Variants in CALHM4 observed in about 807,000 individuals in gnomAD.
The protein encoded by CALHM4 is calcium homeostasis modulator protein 4.
CALHM4 carries 16 observed loss-of-function variants against 13.3 expected under a neutral mutation model. The ratio of observed to expected loss-of-function variants is 1.20; its 90% confidence interval spans 0.81 to 1.82. CALHM4 has a LOEUF of 1.82. CALHM4 is among the 40% of genes most tolerant of loss of function. The pLI is 0.00. For synonymous variants in CALHM4, 127 were observed against 137.1 expected (o/e 0.93, Z 0.52); for missense variants, 344 against 374.9 (o/e 0.92, Z 0.68).
upstream of CALHM4, among the ~76,000 whole-genome samples, chr6:116,552,240 A>G (rs1774111870): frequency 6.6e-6 from 1 of 152,184 alleles, no homozygotes; most frequent in South Asian, 2.1e-4. Flanking sequence ...GTCTGCTGTC[A>G]GTCATTGCCG....
At chr6:116,538,886 C>T (rs1211023881) in intron 1 of CALHM4, among the ~76,000 whole-genome samples, 2 of 152,180 alleles carry the variant, frequency 1.3e-5, no homozygotes, top group East Asian at 1.9e-4. Context: ...TGTGCCACCA[C>T]GCCCGGCTAA....
At position 116,558,613 on chromosome 6, in the gene CALHM4, A is replaced by C. The variant is rs1774451227; in HGVS notation, c.*402A>C. On this transcript the variant is annotated 3_prime_UTR_variant, in exon 2 of 2. Coordinates refer to ENST00000368596, the MANE Select transcript of CALHM4 (RefSeq NM_001366078.2). ...GTGTCTTTCATAAAAATAGATGCTA[A>C]TGAATGTTACTTTCTCTCTTTCTCT... 1 of 156,620 alleles carries C rather than the reference A, an allele frequency of 6.4e-6. No individual in the cohort carries two copies. The highest frequency in any genetic ancestry group is 2.0e-4 in the South Asian group (1 of 5,074). 9.7% of individuals were successfully genotyped at this position (156,620 alleles called of 1,614,324 possible).
intron 1 of CALHM4, among the ~76,000 whole-genome samples, chr6:116,530,474 G>C (rs1039230324): frequency 2.0e-4 from 31 of 152,130 alleles, no homozygotes; most frequent in African/African-American, 7.2e-4. Flanking sequence ...TTTTGTAATT[G>C]GTTCCTTTAT....
At chr6:116,543,236 G>T in intron 1 of CALHM4, 1 of 1,190,464 alleles carries the variant, frequency 8.4e-7, no homozygotes, top group Non-Finnish European at 1.2e-6. Context: ...AGTCATTAGA[G>T]GCAGAAAGAA....
rs1271225231 is a variant in CALHM4 at position 116,560,144 on chromosome 6, G to T, written c.*1933G>T. Among the ~76,000 whole-genome samples the T allele has an allele frequency of 6.6e-6, 1 of 152,090 alleles. No individual in the cohort carries two copies. Among genetic ancestry groups the T allele is most frequent in the East Asian group, 1.9e-4 (1 of 5,196 alleles). On this transcript the variant is annotated 3_prime_UTR_variant, in exon 2 of 2. Coordinates refer to ENST00000368596, the MANE Select transcript of CALHM4 (RefSeq NM_001366078.2). The stretch of plus-strand genomic sequence containing the variant: ...ATTTTGTTCCCTAAGGTCTGCTCCA[G>T]TTCTAAAATTCTGTTCCTATATAAC...
intron 1 of CALHM4, among the ~76,000 whole-genome samples, chr6:116,556,310 T>A (rs970733533): frequency 2.6e-5 from 4 of 152,238 alleles, no homozygotes; most frequent in Non-Finnish European, 4.4e-5. Flanking sequence ...TTTGTCTCCT[T>A]TTTTAGGCTT....
intron 1 of CALHM4, among the ~76,000 whole-genome samples, chr6:116,539,009 T>C (rs1317845078): frequency 6.6e-6 from 1 of 152,108 alleles, no homozygotes; most frequent in Non-Finnish European, 1.5e-5. Context: ...GGGATGAATT[T>C]TGGCAAAGAT....
chr6:116,543,898 A>G, intron 2 of CALHM4: 1 of 1,495,164 alleles, frequency 6.7e-7, no homozygotes. Context: ...TTTTACTTAG[A>G]GAAAAAAGGG....
chr6:116,554,112 A>G lies in CALHM4; in HGVS notation c.319A>G (p.Ile107Val). The part of the protein sequence containing the change: ...CKLACLRFFS[I>V]TGRAVIAPLT... Reference sequence around the variant, plus strand: ...GCTGGCTTGCCTTAGGTTCTTCAGCATCACTGGGAGGGCAGTTATTGCTCC... The same window carrying G: ...GCTGGCTTGCCTTAGGTTCTTCAGCGTCACTGGGAGGGCAGTTATTGCTCC... The change falls in exon 1 of 2, where the codon ATC becomes GTC. Residue 107 changes from isoleucine (I) to valine (V), a missense_variant. By Grantham distance (29) the Ile-to-Val change is conservative. Transcript: ENST00000368596. 1 of 1,550,644 alleles carries G rather than the reference A, an allele frequency of 6.4e-7. No homozygotes were observed. Among genetic ancestry groups the G allele is most frequent in the Non-Finnish European group, 8.7e-7 (1 of 1,147,000 alleles).
chr6:116,535,685 T>C (rs1007160724), intron 1 of CALHM4, among the ~76,000 whole-genome samples: 1 of 152,260 alleles, frequency 6.6e-6, no homozygotes, highest in African/African-American at 2.4e-5. Context: ...TATTTCATTA[T>C]TACAACTAAA....
At chr6:116,533,212 T>C (rs1222471213) in intron 1 of CALHM4, among the ~76,000 whole-genome samples, 2 of 152,282 alleles carry the variant, frequency 1.3e-5, no homozygotes, top group East Asian at 3.9e-4. Flanking sequence ...ATAGAGACAG[T>C]AGATTTATAG....
At chr6:116,542,914 A>G (rs1773550725) in intron 1 of CALHM4, among the ~76,000 whole-genome samples, 1 of 152,084 alleles carries the variant, frequency 6.6e-6, no homozygotes, top group South Asian at 2.1e-4. Context: ...TGGTTGTGTA[A>G]GCATATATTT....
intron 1 of CALHM4, among the ~76,000 whole-genome samples, chr6:116,534,102 T>C (rs528352146): frequency 7.4e-6 from 1 of 135,482 alleles, no homozygotes; most frequent in South Asian, 2.2e-4. Context: ...ATAAATTCTG[T>C]AGTGCGTTTT....
intron 2 of CALHM4, chr6:116,544,003 T>C (rs1773618356): frequency 1.3e-6 from 1 of 776,826 alleles, no homozygotes. Flanking sequence ...TAGGTTTGGC[T>C]TAGGGTTTTT....
upstream of CALHM4, among the ~76,000 whole-genome samples, chr6:116,553,393 G>A (rs1249172948): frequency 6.6e-6 from 1 of 152,122 alleles, no homozygotes; most frequent in Non-Finnish European, 1.5e-5. Flanking sequence ...ATGGTGACGA[G>A]ATTCTAGTCT....
chr6:116,540,257 A>C (rs1397345704), intron 1 of CALHM4: 1 of 1,027,914 alleles, frequency 9.7e-7, no homozygotes, highest in African/African-American at 1.6e-5. Flanking sequence ...TCAGCACCTA[A>C]CAATGAATGC....
At chr6:116,552,995 A>G (rs1259080636), upstream of CALHM4, among the ~76,000 whole-genome samples, 1 of 152,042 alleles carries the variant, frequency 6.6e-6, no homozygotes, top group African/African-American at 2.4e-5. Flanking sequence ...AATGGCGTGA[A>G]CCCGGGAGGC....
Position 116,559,325 on chromosome 6 carries a change from T to C in CALHM4, c.*1114T>C, listed in dbSNP as rs923618307. Among the ~76,000 whole-genome samples the C allele has an allele frequency of 6.6e-6, 1 of 152,218 alleles. No homozygotes were observed. The highest frequency in any genetic ancestry group is 1.5e-5 in the Non-Finnish European group (1 of 68,026). ...AGTCAAAACAATGCTTACTGGACAG[T>C]GGACCAACTGCCAATAGTCAATCCA... On this transcript the variant is annotated 3_prime_UTR_variant, in exon 2 of 2. Coordinates refer to ENST00000368596, the MANE Select transcript of CALHM4 (RefSeq NM_001366078.2).
In CALHM4 at chr6:116,558,087, A is replaced by AT; in HGVS notation, c.822dup (p.Ile275TyrfsTer11). 6.2e-7 allele frequency: 1 copy of AT among 1,614,188 alleles called. No individual in the cohort carries two copies. Among genetic ancestry groups the AT allele is most frequent in the Non-Finnish European group, 8.5e-7 (1 of 1,180,004 alleles). On this transcript the variant is annotated frameshift_variant, in exon 2 of 2. Transcript: ENST00000368596. LOFTEE classifies it high-confidence loss of function. The stretch of plus-strand genomic sequence containing the variant: ...ATTCCTTCTTGTCAGGACTGGAAAG[A>AT]TATTTCAGTACCCACTCTTTTATGC...
Sources: allele counts gnomAD v4.1 joint callset (sites outside exome capture counted in the v4.1 genomes callset), GRCh38; gene constraint gnomAD v4.1.1; transcripts MANE v1.5; gene names NCBI Gene and HGNC (gene_info 2026-07-23, HGNC 2026-07-21).